IL7R: variants seen among roughly 807,000 people sequenced by gnomAD.
The protein encoded by IL7R is interleukin 7 receptor.
IL7R carries 38 observed loss-of-function variants against 47.0 expected under a neutral mutation model. The observed-to-expected ratio is 0.81, with a 90% confidence interval of 0.62 to 1.06. IL7R has a LOEUF of 1.06. Ranked by LOEUF, IL7R falls within the 50% of genes least tolerant of loss-of-function variation. The pLI is 0.00. For synonymous variants in IL7R, 221 were observed against 199.8 expected (o/e 1.11, Z -0.89); for missense variants, 633 against 534.8 (o/e 1.18, Z -1.81).
chr5:35,875,672 A>G (rs905422409), intron 7 of IL7R, 85 bp downstream of exon 7: 28 of 1,063,680 alleles, frequency 2.6e-5, no homozygotes, highest in Non-Finnish European at 4.0e-5. Flanking sequence ...GAACAGTTGA[A>G]CCTCACCTTT....
Position 35,876,599 on chromosome 5 carries a change from C to A in IL7R, c.*113C>A. The A allele has an allele frequency of 9.1e-7, 1 of 1,099,988 alleles. No individual in the cohort carries two copies. Among genetic ancestry groups the A allele is most frequent in the Non-Finnish European group, 1.3e-6 (1 of 742,068 alleles). 68.1% of individuals were successfully genotyped at this position (1,099,988 alleles called of 1,614,324 possible). ...AGAGAAGACAAAATTAGCAAAACCC[C>A]ACTACACAGTCTGCAAGATTCTGAA... On this transcript the variant is annotated 3_prime_UTR_variant, in exon 8 of 8. Transcript: ENST00000303115.
intron 4 of IL7R, 140 bp downstream of exon 4, chr5:35,871,353 T>C: frequency 3.0e-6 from 2 of 675,514 alleles, no homozygotes; most frequent in Non-Finnish European, 5.1e-6. Context: ...CTCCCAATAT[T>C]GGCCCCATGA....
chr5:35,870,015 T>C (rs11567742), intron 3 of IL7R, among the ~76,000 whole-genome samples: 3,186 of 152,158 alleles, frequency 0.021, 124 homozygotes, highest in African/African-American at 0.073. Context: ...GCAAGTAACT[T>C]TAAATCCCAG....
At chr5:35,868,886 T>C (rs1465373666) in intron 3 of IL7R, among the ~76,000 whole-genome samples, 2 of 152,110 alleles carry the variant, frequency 1.3e-5, no homozygotes, top group Non-Finnish European at 1.5e-5. Context: ...ACATGCTCAA[T>C]GCACTTGCAG....
In IL7R at chr5:35,874,474, C is replaced by A; in HGVS notation, c.732C>A (p.Thr244=). Residue 244 remains threonine (T), a synonymous_variant, in exon 6 of 8, where the codon ACC becomes ACA. Coordinates refer to ENST00000303115, the MANE Select transcript of IL7R (RefSeq NM_002185.5). ...SSGEMDPILL[T]ISILSFFSVA... ...GGGAGATGGATCCTATCTTACTAAC[C>A]ATCAGCATTTTGAGTTTTTTCTCTG... is the stretch of plus-strand genomic sequence containing the variant. 1 of 1,612,832 alleles carries A rather than the reference C, an allele frequency of 6.2e-7. No individual in the cohort carries two copies. The highest frequency in any genetic ancestry group is 1.1e-5 in the South Asian group (1 of 91,050).
In IL7R at chr5:35,874,486, G is replaced by T; in HGVS notation, c.744G>T (p.Leu248Phe). The T allele has an allele frequency of 3.1e-6, 5 of 1,613,590 alleles. No individual in the cohort carries two copies. The highest frequency in any genetic ancestry group is 4.2e-6 in the Non-Finnish European group (5 of 1,179,548). The change falls in exon 6 of 8, where the codon TTG becomes TTT. Residue 248 changes from leucine (L) to phenylalanine (F), a missense_variant. Physicochemically the swap from Leu to Phe is conservative, Grantham distance 22. Coordinates refer to ENST00000303115, the MANE Select transcript of IL7R (RefSeq NM_002185.5). Reference protein sequence around the residue: ...MDPILLTISILSFFSVALLVI... With the variant: ...MDPILLTISIFSFFSVALLVI... ...CTATCTTACTAACCATCAGCATTTT[G>T]AGTTTTTTCTCTGTCGCTCTGTTGG...
intron 1 of IL7R, among the ~76,000 whole-genome samples, chr5:35,857,493 CT>C (rs894474625): frequency 1.4e-5 from 2 of 146,590 alleles, no homozygotes; most frequent in Non-Finnish European, 3.0e-5. Context: ...GAAGCAATAG[CT>C]TTGTCTTCAG....
intron 2 of IL7R, among the ~76,000 whole-genome samples, chr5:35,866,335 T>A (rs955147196): frequency 1.3e-5 from 2 of 152,156 alleles, no homozygotes; most frequent in African/African-American, 4.8e-5. Flanking sequence ...CTTATACATT[T>A]TTGAGGGATA....
chr5:35,871,583 G>A (rs865858939), intron 4 of IL7R, among the ~76,000 whole-genome samples: 1 of 152,226 alleles, frequency 6.6e-6, no homozygotes, highest in Admixed American at 6.5e-5. Context: ...TCACCAAGTC[G>A]TAGCCACATT....
chr5:35,874,338 T>A (rs1228891538), intron 5 of IL7R, 111 bp from the exon 6 acceptor site: 2 of 830,158 alleles, frequency 2.4e-6, no homozygotes, highest in Admixed American at 3.5e-5. Context: ...AAAGCAACTT[T>A]CAGGAAATAA....
In IL7R at chr5:35,873,480, C is replaced by G; in HGVS notation, c.538C>G (p.His180Asp). 6.2e-7 allele frequency: 1 copy of G among 1,613,398 alleles called. No homozygotes were observed. Among genetic ancestry groups the G allele is most frequent in the Non-Finnish European group, 8.5e-7 (1 of 1,179,356 alleles). Reference protein sequence around the residue: ...RQEKDENKWTHVNLSSTKLTL... With the variant: ...RQEKDENKWTDVNLSSTKLTL... ...AATGTAACTGCACTCTACTCTCTAGCATGTGAATTTATCCAGCACAAAGCT... is the reference window on the plus strand; with the variant it reads ...AATGTAACTGCACTCTACTCTCTAGGATGTGAATTTATCCAGCACAAAGCT... The change falls in exon 5 of 8, where the codon CAT becomes GAT. Residue 180 changes from histidine (H) to aspartate (D), a missense_variant and splice_region_variant. His to Asp is a moderately conservative substitution (Grantham distance 81). Coordinates refer to ENST00000303115, the MANE Select transcript of IL7R (RefSeq NM_002185.5).
rs2149906340 is a variant in IL7R at position 35,876,427 on chromosome 5, C to T, written c.1321C>T (p.Leu441=). ...VAQGQPILTS[L]GSNQEEAYVT... ...TCAGGGTCAGCCCATTCTTACTTCC[C>T]TGGGATCAAATCAAGAAGAAGCATA... Residue 441 remains leucine (L), a synonymous_variant, in exon 8 of 8, where the codon CTG becomes TTG. Transcript: ENST00000303115. 1.2e-6 allele frequency: 2 copies of T among 1,610,816 alleles called. No homozygotes were observed. Among genetic ancestry groups the T allele is most frequent in the Non-Finnish European group, 1.7e-6 (2 of 1,179,990 alleles).
At position 35,871,093 on chromosome 5, in the gene IL7R, T is replaced by C. The variant is rs1454432645; in HGVS notation, c.417T>C (p.Tyr139=). 4 of 1,612,776 alleles carry C rather than the reference T, an allele frequency of 2.5e-6. No individual in the cohort carries two copies. Among genetic ancestry groups the C allele is most frequent in the Admixed American group, 1.7e-5 (1 of 60,006 alleles). Residue 139 remains tyrosine, a synonymous_variant, in exon 4 of 8, where the codon TAT becomes TAC. Transcript: ENST00000303115. The stretch of plus-strand genomic sequence containing the variant: ...CTCCTTTTGACCTGAGTGTCGTCTA[T>C]CGGGAAGGAGCCAATGACTTTGTGG... The part of the protein sequence containing the change: ...PEAPFDLSVV[Y]REGANDFVVT...
chr5:35,866,888 ATGT>A (rs1228641501), intron 2 of IL7R, among the ~76,000 whole-genome samples: 2 of 152,120 alleles, frequency 1.3e-5, no homozygotes, highest in Non-Finnish European at 2.9e-5. Context: ...CCTTTATACT[ATGT>A]TATCATTTTC....
At chr5:35,864,993 G>A (rs1759902138) in intron 2 of IL7R, among the ~76,000 whole-genome samples, 1 of 151,726 alleles carries the variant, frequency 6.6e-6, no homozygotes, top group African/African-American at 2.4e-5. Context: ...TAAGTTCTAG[G>A]GTACATGTGC....
In IL7R at chr5:35,876,610, C is replaced by G; in HGVS notation, c.*124C>G. 1 of 974,230 alleles carries G rather than the reference C, an allele frequency of 1.0e-6. No individual in the cohort carries two copies. 60.3% of individuals were successfully genotyped at this position (974,230 alleles called of 1,614,324 possible). Reference sequence around the variant, plus strand: ...AATTAGCAAAACCCCACTACACAGTCTGCAAGATTCTGAAACATTGCTTTG... The same window carrying G: ...AATTAGCAAAACCCCACTACACAGTGTGCAAGATTCTGAAACATTGCTTTG... On this transcript the variant is annotated 3_prime_UTR_variant, in exon 8 of 8. Coordinates refer to ENST00000303115, the MANE Select transcript of IL7R (RefSeq NM_002185.5).
intron 1 of IL7R, among the ~76,000 whole-genome samples, chr5:35,858,301 G>A (rs1759712852): frequency 6.6e-6 from 1 of 152,028 alleles, no homozygotes; most frequent in Non-Finnish European, 1.5e-5. Flanking sequence ...TCCCAGTTTG[G>A]GGTATAGGAA....
chr5:35,871,000 T>C lies in IL7R; in HGVS notation c.380-56T>C. 4.0e-6 allele frequency: 6 copies of C among 1,490,992 alleles called. No homozygotes were observed. In the South Asian group the frequency reaches 6.8e-5, roughly 17 times the overall value. The allele number at this position is 1,490,992 out of a possible 1,614,324, so 92.4% of individuals were successfully genotyped here. On this transcript the variant is annotated intron_variant, in intron 3 of 7. Coordinates refer to ENST00000303115, the MANE Select transcript of IL7R (RefSeq NM_002185.5). Reference sequence around the variant, plus strand: ...TGCAGAGGAGATGAATTTTAAATACTATAATTATTTCCTTGGCTGCCCTTT... The same window carrying C: ...TGCAGAGGAGATGAATTTTAAATACCATAATTATTTCCTTGGCTGCCCTTT...
At chr5:35,867,730 T>G in intron 3 of IL7R, 1 of 600,688 alleles carries the variant, frequency 1.7e-6, no homozygotes, top group East Asian at 2.7e-5. Flanking sequence ...GGAGCTGGGC[T>G]TCCTGTCATC....
Sources: gnomAD v4.1 joint callset for allele counts (sites outside exome capture counted in the v4.1 genomes callset) on GRCh38, gnomAD v4.1.1 for gene constraint, MANE v1.5 for transcripts, NCBI Gene and HGNC (gene_info 2026-07-23, HGNC 2026-07-21) for gene names.